CCDC187: variants seen among roughly 807,000 people sequenced by gnomAD.
CCDC187 encodes the protein coiled-coil domain-containing protein 187.
Under a neutral mutation model 38.0 loss-of-function variants are expected in CCDC187, and 32 were observed. The ratio of observed to expected loss-of-function variants is 0.84; its 90% CI spans 0.64 to 1.13. The LOEUF (loss-of-function observed/expected upper bound fraction) is 1.13, where lower values mean the gene tolerates loss of function less well. Among genes scored for constraint, CCDC187 ranks in the 50% most tolerant of loss-of-function variants. The pLI is 0.00. For synonymous variants in CCDC187, 333 were observed against 347.9 expected, an observed-to-expected ratio of 0.96 and a Z score of 0.48; for missense variants, 707 against 786.8, an observed-to-expected ratio of 0.90 and a Z score of 1.21.
intron 14 of CCDC187, among the ~76,000 whole-genome samples, chr9:136,269,843 G>A (rs1276560000): frequency 1.3e-5 from 2 of 152,136 alleles, no homozygotes; most frequent in Admixed American, 6.5e-5. Context: ...TAGAAGTTTC[G>A]TAACTCTATC....
chr9:136,266,129 G>A (rs900376593), intron 16 of CCDC187, 86 bp from the exon 17 acceptor site: 9 of 787,950 alleles, frequency 1.1e-5, no homozygotes, highest in African/African-American at 1.9e-5. Context: ...AGCCCTGGTC[G>A]GCCACATCAA....
chr9:136,293,297 A>G (rs1831398238), intron 4 of CCDC187, among the ~76,000 whole-genome samples: 1 of 148,504 alleles, frequency 6.7e-6, no homozygotes, highest in South Asian at 2.1e-4. Context: ...ACACACTCAC[A>G]AACACATGTT....
In CCDC187 at chr9:136,251,216, A is replaced by G. The variant is rs538339145; in HGVS notation, c.*2378T>C. The G allele has an allele frequency of 2.9e-6, 1 of 342,170 alleles. No homozygotes were observed. Among genetic ancestry groups the G allele is most frequent in the South Asian group, 2.2e-5 (1 of 45,900 alleles). The allele number at this position is 342,170 out of a possible 1,614,324, so 21.2% of individuals were successfully genotyped here. On this transcript the variant is annotated 3_prime_UTR_variant, in exon 26 of 26. Coordinates refer to ENST00000638797, the MANE Select transcript of CCDC187 (RefSeq NM_001378188.1). ...CCTCAGATTCAAAAGGGTCCCAGAG[A>G]AATTACAGGGGTCCCAGTGAATCCT... is the stretch of plus-strand genomic sequence containing the variant.
At chr9:136,260,039 C>G in intron 20 of CCDC187, 80 bp downstream of exon 20, 1 of 972,908 alleles carries the variant, frequency 1.0e-6, no homozygotes, top group Non-Finnish European at 1.2e-6. Flanking sequence ...GACCCTGGGC[C>G]TAATGCCACC....
Position 136,251,715 on chromosome 9 carries a change from C to G in CCDC187, c.*1879G>C, listed in dbSNP as rs1474794453. ...CTCTTGGCGACTCTGACTGTTCTTG[C>G]CTCTGGGCTGCAACGCCTTTTCTTG... On this transcript the variant is annotated 3_prime_UTR_variant, in exon 26 of 26. Coordinates refer to ENST00000638797, the MANE Select transcript of CCDC187 (RefSeq NM_001378188.1). 6.5e-6 allele frequency: 1 copy of G among 154,382 alleles called. No individual in the cohort carries two copies. The highest frequency in any genetic ancestry group is 2.4e-5 in the African/African-American group (1 of 41,482). 9.6% of individuals were successfully genotyped at this position (154,382 alleles called of 1,614,324 possible).
chr9:136,288,914 C>T lies in CCDC187; in HGVS notation c.2222+1045G>A, dbSNP rs1008095991. ...CCCGAGAAAGCTGCACACAGAGGTG[C>T]ACGTGCCCATGCAATTCACTCTCAG... On this transcript the variant is annotated intron_variant, in intron 7 of 25. Coordinates refer to ENST00000638797, the MANE Select transcript of CCDC187 (RefSeq NM_001378188.1). Among the ~76,000 whole-genome samples, 6 of 152,338 alleles carry T rather than the reference C, an allele frequency of 3.9e-5. No homozygotes were observed. The South Asian group carries it at 6.2e-4, about 16-fold the overall frequency.
In CCDC187 at chr9:136,303,085, G is replaced by A. The variant is rs1211063237; in HGVS notation, c.352C>T (p.Leu118Phe). The A allele has an allele frequency of 2.5e-5, 10 of 398,512 alleles. No individual in the cohort carries two copies. The Admixed American group carries it at 3.1e-4, about 12-fold the overall frequency. The allele number at this position is 398,512 out of a possible 1,614,324, so 24.7% of individuals were successfully genotyped here. Residue 118 changes from leucine to phenylalanine, a missense_variant, in exon 2 of 26, where the codon CTC (leucine) becomes TTC (phenylalanine). Physicochemically the swap from Leu to Phe is conservative, Grantham distance 22. Transcript: ENST00000638797. ...TCGTGGCCCCCCGAAGAGCACGAGA[G>A]GCGGCCCGATGACACCGAGCTGTCC... is the stretch of plus-strand genomic sequence containing the variant. ...DGDSSVSSGR[L>F]SCSSGGHDVC... is the part of the protein sequence containing the mutation.
chr9:136,264,816 T>C lies in CCDC187; in HGVS notation c.3736-1018A>G, dbSNP rs1830726018. 2.0e-5 allele frequency among the ~76,000 whole-genome samples: 3 copies of C among 151,912 alleles called. No individual in the cohort carries two copies. In the South Asian group the frequency reaches 6.2e-4, roughly 32 times the overall value. ...TGTTGCCCAGGCTGGAGTGCAGTGG[T>C]GCAAGCTCAGCTCACTGCAGCCTTG... is the stretch of plus-strand genomic sequence containing the variant. On this transcript the variant is annotated intron_variant, in intron 17 of 25. Transcript: ENST00000638797. This position sits in a 1 kb window ranked among gnomAD's most constrained non-coding sequence, Gnocchi z 4.3.
At chr9:136,256,517 T>G (rs987907227) in intron 23 of CCDC187, among the ~76,000 whole-genome samples, 188 bp downstream of exon 23, 7 of 151,726 alleles carry the variant, frequency 4.6e-5, no homozygotes, top group Non-Finnish European at 1.0e-4. Flanking sequence ...GGAAAAAAAG[T>G]CTGTTTTTCT....
At chr9:136,299,259 CCACATCTG>C (rs1831613031) in intron 3 of CCDC187, among the ~76,000 whole-genome samples, 1 of 152,140 alleles carries the variant, frequency 6.6e-6, no homozygotes, top group South Asian at 2.1e-4. Flanking sequence ...TGGACCCCGC[CCACATCTG>C]CACTGGCTCA....
chr9:136,255,449 G>A (rs1237408930), intron 25 of CCDC187, among the ~76,000 whole-genome samples: 4 of 152,212 alleles, frequency 2.6e-5, no homozygotes, highest in Admixed American at 2.0e-4. Context: ...GGATGTGGGT[G>A]GATCCAGACA....
rs1016254149 is a variant in CCDC187 at position 136,291,246 on chromosome 9, C to T, written c.1367G>A (p.Arg456Gln). Residue 456 changes from arginine (R) to glutamine (Q), a missense_variant, in exon 6 of 26, where the codon CGG (arginine) becomes CAG (glutamine). Transcript: ENST00000638797. ...CCAGGCCCTCTGCGGACAGGACTCC[C>T]GTGCAGTGGAGGAGCTCCAGGGCTC... is the stretch of plus-strand genomic sequence containing the variant. ...TWEPWSSSTA[R>Q]ESCPQRAWGA... The T allele has an allele frequency of 7.5e-6, 3 of 398,412 alleles. No individual in the cohort carries two copies. The highest frequency in any genetic ancestry group is 1.3e-5 in the Non-Finnish European group (3 of 226,088). 24.7% of individuals were successfully genotyped at this position (398,412 alleles called of 1,614,324 possible).
At chr9:136,299,419 CAT>C (rs1205297845) in intron 3 of CCDC187, among the ~76,000 whole-genome samples, 1 of 152,216 alleles carries the variant, frequency 6.6e-6, no homozygotes, top group Non-Finnish European at 1.5e-5. Flanking sequence ...CAAAAACGCA[CAT>C]GATTCCCTGT....
intron 10 of CCDC187, among the ~76,000 whole-genome samples, chr9:136,277,994 G>A (rs1390602465): frequency 3.9e-5 from 6 of 152,258 alleles, no homozygotes; most frequent in Admixed American, 2.6e-4. Flanking sequence ...CCAAAGCACC[G>A]AGACAGGGTG....
upstream of CCDC187, among the ~76,000 whole-genome samples, chr9:136,304,557 G>A (rs1274189964): frequency 1.3e-5 from 2 of 152,204 alleles, no homozygotes; most frequent in African/African-American, 4.8e-5. Context: ...AGGAGCCCCC[G>A]CTGGCCTCCT....
chr9:136,285,705 T>G (rs1466814237), intron 8 of CCDC187, 99 bp from the exon 9 acceptor site: 1 of 397,748 alleles, frequency 2.5e-6, no homozygotes, highest in Non-Finnish European at 4.4e-6. Flanking sequence ...GAGACACACC[T>G]GACAGGGGTG....
At chr9:136,255,478 C>T (rs1030281392) in intron 25 of CCDC187, among the ~76,000 whole-genome samples, 179 bp downstream of exon 25, 25 of 152,328 alleles carry the variant, frequency 1.6e-4, no homozygotes, top group African/African-American at 6.0e-4. Flanking sequence ...CTGACCGTCA[C>T]TCACCTCCCC....
chr9:136,273,726 C>T (rs1830878888), intron 14 of CCDC187, among the ~76,000 whole-genome samples: 1 of 152,210 alleles, frequency 6.6e-6, no homozygotes, highest in South Asian at 2.1e-4. Flanking sequence ...CAAGGAGCAC[C>T]CACTGACGTA....
At chr9:136,306,606 G>A (rs2131378515), upstream of CCDC187, among the ~76,000 whole-genome samples, 1 of 152,312 alleles carries the variant, frequency 6.6e-6, no homozygotes, top group Non-Finnish European at 1.5e-5. Flanking sequence ...TTAACCAGCG[G>A]ATGAGGCTCA....
Sources: allele counts gnomAD v4.1 joint callset (sites outside exome capture counted in the v4.1 genomes callset), GRCh38; gene constraint gnomAD v4.1.1; non-coding constraint Gnocchi (gnomAD v3.1); transcripts MANE v1.5; gene names NCBI Gene and HGNC (gene_info 2026-07-23, HGNC 2026-07-21).